The following CCDC178 variants were observed in gnomAD, a reference collection of about 807,000 sequenced individuals.
CCDC178 encodes coiled-coil domain-containing protein 178.
CCDC178 carries 126 observed loss-of-function variants against 117.4 expected under a neutral mutation model. The observed-to-expected ratio is 1.07, with a 90% CI of 0.93 to 1.24. The LOEUF is 1.24. CCDC178 is among the 50% of genes most tolerant of loss of function. The probability of loss-of-function intolerance (pLI) is 0.00; values close to 1 mark genes in which losing one functional copy is unlikely to be tolerated. For missense variants in CCDC178, 1,030 were observed against 986.9 expected, an observed-to-expected ratio of 1.04 and a Z score of -0.59; for synonymous variants, 283 against 313.4, an observed-to-expected ratio of 0.90 and a Z score of 1.02.
intron 20 of CCDC178, among the ~76,000 whole-genome samples, chr18:33,101,804 T>G (rs1039951430): frequency 1.5e-4 from 23 of 152,094 alleles, no homozygotes; most frequent in Admixed American, 6.6e-4. Flanking sequence ...TATTATGGCA[T>G]AAATTAAGTA....
At position 33,115,399 on chromosome 18, in the gene CCDC178, A is replaced by G. The variant is rs147295906; in HGVS notation, c.2239-22489T>C. Among the ~76,000 whole-genome samples, 225 of 152,180 alleles carry G rather than the reference A, an allele frequency of 1.5e-3. 1 individual carries two copies. The highest frequency in any genetic ancestry group is 5.2e-3 in the African/African-American group (216 of 41,572). The stretch of plus-strand genomic sequence containing the variant: ...GTAAGAGAATTTTATGAAAAAGTCA[A>G]TTCTCACCATCCTTTTTTCACTATT... On this transcript the variant is annotated intron_variant, in intron 20 of 22. Coordinates refer to ENST00000383096, the MANE Select transcript of CCDC178 (RefSeq NM_001105528.4).
chr18:33,387,085 G>A (rs1183349464), intron 5 of CCDC178, among the ~76,000 whole-genome samples: 2 of 152,036 alleles, frequency 1.3e-5, no homozygotes, highest in Admixed American at 6.6e-5. Context: ...GACAAGCAGA[G>A]AGCCAAATCA....
intron 21 of CCDC178, among the ~76,000 whole-genome samples, chr18:33,076,999 A>C (rs527436449): frequency 6.6e-6 from 1 of 152,316 alleles, no homozygotes; most frequent in Admixed American, 6.5e-5. Flanking sequence ...AACTTTCACC[A>C]TGGATTAGAA....
chr18:33,083,698 CAG>C (rs2057333468), intron 21 of CCDC178, among the ~76,000 whole-genome samples: 1 of 152,168 alleles, frequency 6.6e-6, no homozygotes, highest in South Asian at 2.1e-4. Flanking sequence ...TTTTAAGGGA[CAG>C]AGAGTAGCAC....
At chr18:33,106,774 G>T (rs1354645574) in intron 20 of CCDC178, among the ~76,000 whole-genome samples, 1 of 151,656 alleles carries the variant, frequency 6.6e-6, no homozygotes, top group East Asian at 1.9e-4. Context: ...TTAAAAGTGA[G>T]AATCTTTTCT....
chr18:33,086,711 G>A lies in CCDC178; in HGVS notation c.2388+6050C>T, dbSNP rs557688542. On this transcript the variant is annotated intron_variant, in intron 21 of 22. Transcript: ENST00000383096. ...GTTATATATATGTATATACACATAC[G>A]CATGCACATTACATATATATGACAT... 1.3e-4 allele frequency among the ~76,000 whole-genome samples: 20 copies of A among 151,984 alleles called. No individual in the cohort carries two copies. The East Asian group carries it at 1.7e-3, about 13-fold the overall frequency.
chr18:33,360,292 T>C (rs905498550), intron 6 of CCDC178, among the ~76,000 whole-genome samples: 1 of 150,592 alleles, frequency 6.6e-6, no homozygotes, highest in African/African-American at 2.4e-5. Flanking sequence ...TTATATAATA[T>C]ATACTACATG....
At chr18:33,172,210 A>G (rs1328366521) in intron 20 of CCDC178, among the ~76,000 whole-genome samples, 1 of 152,182 alleles carries the variant, frequency 6.6e-6, no homozygotes, top group Non-Finnish European at 1.5e-5. Context: ...TTTTTAAAAC[A>G]AAAGACCATT....
intron 3 of CCDC178, 127 bp from the exon 4 acceptor site, chr18:33,397,335 C>T: frequency 1.9e-6 from 1 of 532,206 alleles, no homozygotes; most frequent in South Asian, 3.5e-5. Flanking sequence ...GGCTAAATTA[C>T]ATAAGAAAGG....
At chr18:33,070,765 T>C (rs961629527) in intron 21 of CCDC178, among the ~76,000 whole-genome samples, 2 of 152,084 alleles carry the variant, frequency 1.3e-5, no homozygotes, top group Non-Finnish European at 2.9e-5. Flanking sequence ...TATCAAAATA[T>C]CATATGTACC....
intron 2 of CCDC178, among the ~76,000 whole-genome samples, chr18:33,424,464 G>A (rs2064085652): frequency 6.6e-6 from 1 of 152,124 alleles, no homozygotes; most frequent in African/African-American, 2.4e-5. Flanking sequence ...TGGTGTACAG[G>A]CGCACACCTC....
intron 22 of CCDC178, among the ~76,000 whole-genome samples, chr18:32,945,574 T>C (rs1278927167): frequency 6.6e-6 from 1 of 152,200 alleles, no homozygotes; most frequent in Non-Finnish European, 1.5e-5. Context: ...CAATATGAGC[T>C]TTCACTTTAG....
chr18:32,997,651 T>A (rs938837104), intron 21 of CCDC178, among the ~76,000 whole-genome samples: 6 of 152,132 alleles, frequency 3.9e-5, no homozygotes, highest in African/African-American at 1.4e-4. Context: ...TACCTGTGTA[T>A]GTATATATAA....
intron 5 of CCDC178, among the ~76,000 whole-genome samples, chr18:33,371,285 G>C (rs201700078): frequency 6.8e-6 from 1 of 147,844 alleles, no homozygotes; most frequent in Non-Finnish European, 1.5e-5. Flanking sequence ...GTGTGTGTGT[G>C]TATATATGTG....
chr18:33,390,321 C>T (rs994130048), intron 4 of CCDC178, among the ~76,000 whole-genome samples: 3 of 151,822 alleles, frequency 2.0e-5, no homozygotes, highest in Non-Finnish European at 4.4e-5. Context: ...AATGCAGCAA[C>T]TCCAGTCCTA....
At chr18:33,014,979 G>A (rs901100813) in intron 21 of CCDC178, among the ~76,000 whole-genome samples, 1 of 152,142 alleles carries the variant, frequency 6.6e-6, no homozygotes, top group African/African-American at 2.4e-5. Flanking sequence ...AAAGAGGCTG[G>A]GTGTGGTGGC....
chr18:33,387,149 A>T (rs983283022), intron 5 of CCDC178, among the ~76,000 whole-genome samples: 7 of 152,108 alleles, frequency 4.6e-5, no homozygotes, highest in Non-Finnish European at 1.0e-4. Context: ...ACAACTAACA[A>T]GGGAAGTGAA....
intron 18 of CCDC178, among the ~76,000 whole-genome samples, chr18:33,217,408 T>A (rs1405479413): frequency 6.6e-6 from 1 of 152,038 alleles, no homozygotes; most frequent in Non-Finnish European, 1.5e-5. Flanking sequence ...TTAAAACAAA[T>A]TCCTATGCAA....
At chr18:33,023,159 A>G (rs1298637802) in intron 21 of CCDC178, among the ~76,000 whole-genome samples, 1 of 152,126 alleles carries the variant, frequency 6.6e-6, no homozygotes, top group Non-Finnish European at 1.5e-5. Context: ...CCCTCTCTCA[A>G]TAATTGATAG....
Sources: gnomAD v4.1 joint callset for allele counts (sites outside exome capture counted in the v4.1 genomes callset) on GRCh38, gnomAD v4.1.1 for gene constraint, MANE v1.5 for transcripts, NCBI Gene and HGNC (gene_info 2026-07-23, HGNC 2026-07-21) for gene names.